The following MIGA1 variants were observed in gnomAD, a reference collection of about 807,000 sequenced individuals.
MIGA1 encodes mitoguardin 1, also known as family with sequence similarity 73, member A.
A neutral mutation model predicts 82.0 loss-of-function variants in MIGA1; 58 were observed. The ratio of observed to expected loss-of-function variants is 0.71; its 90% confidence interval spans 0.57 to 0.88. MIGA1 has a LOEUF of 0.88. MIGA1 is among the 40% of genes least tolerant of loss of function. The pLI is 0.00. For synonymous variants in MIGA1, 249 were observed against 253.6 expected (o/e 0.98, Z 0.17); for missense variants, 751 against 749.1 (o/e 1.00, Z -0.03).
At chr1:77,793,046 C>T (rs1682495298) in intron 2 of MIGA1, among the ~76,000 whole-genome samples, 2 of 152,076 alleles carry the variant, frequency 1.3e-5, no homozygotes, top group African/African-American at 4.8e-5. Context: ...CCGCCTCAGC[C>T]TCCCAAAGTA....
At chr1:77,861,558 GTCC>G (rs1685454536) in intron 12 of MIGA1, 1 of 427,908 alleles carries the variant, frequency 2.3e-6, no homozygotes, top group Non-Finnish European at 4.2e-6. Context: ...CTTCCCTCCT[GTCC>G]TCCTTCCCTT....
intron 7 of MIGA1, among the ~76,000 whole-genome samples, chr1:77,826,321 C>T (rs1011182105): frequency 7.3e-5 from 11 of 151,700 alleles, no homozygotes; most frequent in African/African-American, 2.7e-4. Flanking sequence ...TACCTTTTTC[C>T]GGGTTAGAAA....
At chr1:77,857,726 G>GTTTTTTT (rs766194564) in intron 8 of MIGA1, among the ~76,000 whole-genome samples, 169 of 110,954 alleles carry the variant, frequency 1.5e-3, no homozygotes, top group Non-Finnish European at 2.3e-3. Context: ...CTGGGTTGTT[G>GTTTTTTT]TTTTTTTTTT....
chr1:77,854,657 G>A (rs1222935842), intron 8 of MIGA1, among the ~76,000 whole-genome samples: 1 of 152,124 alleles, frequency 6.6e-6, no homozygotes, highest in Non-Finnish European at 1.5e-5. Context: ...TCATAGTGAT[G>A]TTGAGCATTT....
chr1:77,807,194 C>G, intron 5 of MIGA1, 93 bp downstream of exon 5: 12 of 989,940 alleles, frequency 1.2e-5, no homozygotes, highest in Non-Finnish European at 1.8e-5. Flanking sequence ...CAGGGTCTCA[C>G]TCTGTCACCC....
Position 77,805,305 on chromosome 1 carries a change from G to A in MIGA1, c.511-1670G>A, listed in dbSNP as rs923745736. On this transcript the variant is annotated intron_variant, in intron 4 of 15. Transcript: ENST00000370791. Reference sequence around the variant, plus strand: ...CCACCACACCCGGTCCCTTGCTTCCGTATTTCACTGGAATATATAGCTGCC... The same window carrying A: ...CCACCACACCCGGTCCCTTGCTTCCATATTTCACTGGAATATATAGCTGCC... Among the ~76,000 whole-genome samples the A allele has an allele frequency of 4.0e-5, 6 of 151,048 alleles. No individual in the cohort carries two copies. In the East Asian group the frequency reaches 6.0e-4, roughly 15 times the overall value.
At chr1:77,815,272 T>C (rs765359970) in intron 7 of MIGA1, 41 bp downstream of exon 7, 23 of 1,457,608 alleles carry the variant, frequency 1.6e-5, no homozygotes, top group Non-Finnish European at 1.9e-6. Flanking sequence ...AAATGTTTAC[T>C]TTTCTTTTAT....
intron 7 of MIGA1, 147 bp downstream of exon 7, chr1:77,815,378 T>G: frequency 2.0e-6 from 1 of 504,774 alleles, no homozygotes; most frequent in South Asian, 7.2e-5. Flanking sequence ...TTATCATATT[T>G]CTTTTTTCTT....
chr1:77,805,588 G>A (rs1250776197), intron 4 of MIGA1, among the ~76,000 whole-genome samples: 1 of 147,592 alleles, frequency 6.8e-6, no homozygotes, highest in Non-Finnish European at 1.5e-5. Context: ...GGAGGGCAGT[G>A]GTGTGATCTT....
chr1:77,818,903 A>C (rs1683685260), intron 7 of MIGA1, among the ~76,000 whole-genome samples: 1 of 151,930 alleles, frequency 6.6e-6, no homozygotes, highest in South Asian at 2.1e-4. Context: ...AACATGGTGA[A>C]ACCCTGTCTC....
At chr1:77,870,980 G>A (rs1448761166) in intron 14 of MIGA1, among the ~76,000 whole-genome samples, 1 of 151,344 alleles carries the variant, frequency 6.6e-6, no homozygotes, top group Admixed American at 6.6e-5. Flanking sequence ...CAGGCACTCG[G>A]CAGGCTGAGG....
chr1:77,852,188 A>G (rs1402401179), intron 8 of MIGA1, among the ~76,000 whole-genome samples: 2 of 152,012 alleles, frequency 1.3e-5, no homozygotes, highest in Non-Finnish European at 2.9e-5. Flanking sequence ...CCTGGCCCCC[A>G]GTTTACTTCT....
intron 7 of MIGA1, among the ~76,000 whole-genome samples, chr1:77,820,543 G>A (rs1475743866): frequency 3.3e-5 from 5 of 152,058 alleles, no homozygotes; most frequent in East Asian, 3.9e-4. Flanking sequence ...GTATTGGCTC[G>A]GAATTTGGAA....
chr1:77,814,750 C>G (rs1683509007), intron 6 of MIGA1, among the ~76,000 whole-genome samples: 1 of 152,094 alleles, frequency 6.6e-6, no homozygotes, highest in Non-Finnish European at 1.5e-5. Flanking sequence ...GAGGCCCTAC[C>G]CCATGGGTTT....
At chr1:77,848,164 A>T in intron 8 of MIGA1, 3 of 1,418,018 alleles carry the variant, frequency 2.1e-6, no homozygotes, top group South Asian at 2.3e-5. Context: ...AGGGATTCTC[A>T]TAGGCACAGG....
At chr1:77,852,630 T>C (rs992160970) in intron 8 of MIGA1, among the ~76,000 whole-genome samples, 1 of 152,172 alleles carries the variant, frequency 6.6e-6, no homozygotes, top group Non-Finnish European at 1.5e-5. Context: ...AGTTGTGGGA[T>C]TCTGGGTAAG....
chr1:77,809,105 TAAAAC>T (rs1461881947), intron 5 of MIGA1, among the ~76,000 whole-genome samples: 1 of 150,534 alleles, frequency 6.6e-6, no homozygotes. Flanking sequence ...CCCGTTTTCT[TAAAAC>T]AACAACAACA....
chr1:77,791,856 G>T (rs367734470), intron 2 of MIGA1, among the ~76,000 whole-genome samples: 1 of 152,080 alleles, frequency 6.6e-6, no homozygotes, highest in African/African-American at 2.4e-5. Context: ...GAGCCACTGC[G>T]CCTGGCCCAA....
intron 2 of MIGA1, among the ~76,000 whole-genome samples, chr1:77,789,920 C>A (rs1682344806): frequency 6.6e-6 from 1 of 152,052 alleles, no homozygotes; most frequent in Non-Finnish European, 1.5e-5. Flanking sequence ...GGAAAACAAT[C>A]CAATTATAAA....
Sources: allele counts gnomAD v4.1 joint callset (sites outside exome capture counted in the v4.1 genomes callset), GRCh38; gene constraint gnomAD v4.1.1; transcripts MANE v1.5; gene names NCBI Gene and HGNC (gene_info 2026-07-23, HGNC 2026-07-21).